The following KLRF1 variants were observed in gnomAD, a reference collection of about 807,000 sequenced individuals.
KLRF1 encodes the protein killer cell lectin-like receptor subfamily F member 1.
KLRF1 carries 27 observed loss-of-function variants against 30.7 expected under a neutral mutation model. That is an observed-to-expected ratio of 0.88 (90% CI 0.65 to 1.21). The LOEUF (loss-of-function observed/expected upper bound fraction) is 1.21, where lower values mean the gene tolerates loss of function less well. KLRF1 is among the 50% of genes most tolerant of loss of function. The pLI is 0.00. For missense variants in KLRF1, 246 were observed against 259.3 expected, an observed-to-expected ratio of 0.95 and a Z score of 0.35; for synonymous variants, 92 against 89.3, an observed-to-expected ratio of 1.03 and a Z score of -0.17.
chr12:9,827,422 T>A (rs1565502802), upstream of KLRF1: 11 of 538,174 alleles, frequency 2.0e-5, no homozygotes, highest in Non-Finnish European at 3.6e-5. Context: ...TCATATGTAC[T>A]GTGAAAGGAC....
At chr12:9,813,912 C>G in the KLRF1 span, among the ~76,000 whole-genome samples, 1 of 152,182 alleles carries the variant, frequency 6.6e-6, no homozygotes, top group South Asian at 2.1e-4. Flanking sequence ...TGTTCCAGGA[C>G]GGAGCTCAGG....
chr12:9,842,267 T>C (rs2121240627), intron 4 of KLRF1, 54 bp from the exon 5 acceptor site: 2 of 1,589,094 alleles, frequency 1.3e-6, no homozygotes, highest in South Asian at 1.1e-5. Flanking sequence ...AAATATTCAG[T>C]GTGTCTGAAT....
intron 5 of KLRF1, among the ~76,000 whole-genome samples, chr12:9,843,795 A>G (rs1867754423): frequency 6.6e-6 from 1 of 152,162 alleles, no homozygotes; most frequent in African/African-American, 2.4e-5. Flanking sequence ...ATCAATTTGG[A>G]AGCTTTGAAG....
chr12:9,810,303 G>C, the KLRF1 span, among the ~76,000 whole-genome samples: 27 of 152,264 alleles, frequency 1.8e-4, no homozygotes, highest in South Asian at 6.2e-4. Flanking sequence ...GAGCCTGAAC[G>C]GAAGTTAAGC....
intron 3 of KLRF1, among the ~76,000 whole-genome samples, chr12:9,841,090 C>T (rs1186471970): frequency 2.0e-5 from 3 of 152,042 alleles, no homozygotes; most frequent in African/African-American, 7.2e-5. Flanking sequence ...AAATGTGGTA[C>T]ATATACCATA....
At chr12:9,800,885 G>A in the KLRF1 span, among the ~76,000 whole-genome samples, 1 of 151,844 alleles carries the variant, frequency 6.6e-6, no homozygotes, top group Non-Finnish European at 1.5e-5. Flanking sequence ...GAACATGTAG[G>A]TTTGTTACAT....
chr12:9,810,325 G>A, the KLRF1 span, among the ~76,000 whole-genome samples: 9 of 152,126 alleles, frequency 5.9e-5, no homozygotes, highest in South Asian at 2.1e-4. Context: ...CCCAGAAATC[G>A]CAGGTAGCTG....
the KLRF1 span, among the ~76,000 whole-genome samples, chr12:9,811,227 T>G: frequency 4.1e-4 from 59 of 144,074 alleles, no homozygotes; most frequent in Middle Eastern, 3.7e-3. Context: ...GTACAGTGAT[T>G]TGCAAGCAGG....
chr12:9,836,028 G>A (rs1867567930), intron 3 of KLRF1, among the ~76,000 whole-genome samples: 1 of 152,004 alleles, frequency 6.6e-6, no homozygotes, highest in Non-Finnish European at 1.5e-5. Flanking sequence ...ATGTAAGGTG[G>A]GGGCAGCTGT....
the KLRF1 span, among the ~76,000 whole-genome samples, chr12:9,820,776 G>A: frequency 2.6e-4 from 39 of 152,326 alleles, no homozygotes; most frequent in Admixed American, 5.2e-4. Flanking sequence ...CACCACTGCA[G>A]TTGCAGCGGT....
the KLRF1 span, among the ~76,000 whole-genome samples, chr12:9,809,298 A>G: frequency 3.2e-4 from 49 of 152,294 alleles, no homozygotes; most frequent in Admixed American, 3.3e-4. Context: ...ATATCTAAAA[A>G]GAAAGGGTGG....
chr12:9,829,634 C>T (rs1341026939), intron 1 of KLRF1, among the ~76,000 whole-genome samples: 1 of 152,146 alleles, frequency 6.6e-6, no homozygotes, highest in East Asian at 1.9e-4. Flanking sequence ...GTGGCACATG[C>T]CTGTAGTCCT....
the KLRF1 span, among the ~76,000 whole-genome samples, chr12:9,821,546 A>C: frequency 6.6e-6 from 1 of 152,170 alleles, no homozygotes; most frequent in Non-Finnish European, 1.5e-5. Context: ...GGCAGACTGC[A>C]CTGAGCAATT....
At chr12:9,809,530 G>A in the KLRF1 span, among the ~76,000 whole-genome samples, 1 of 152,228 alleles carries the variant, frequency 6.6e-6, no homozygotes, top group South Asian at 2.1e-4. Flanking sequence ...ATCAGGAAAA[G>A]GGCTGCTGGG....
the KLRF1 span, among the ~76,000 whole-genome samples, chr12:9,815,445 C>T: frequency 3.9e-5 from 6 of 152,334 alleles, no homozygotes; most frequent in East Asian, 3.9e-4. Flanking sequence ...CTATCTGAGC[C>T]GCAGATGGAC....
intron 3 of KLRF1, among the ~76,000 whole-genome samples, chr12:9,837,715 G>C (rs16907767): frequency 0.12 from 18,469 of 152,126 alleles, 1,515 homozygotes; most frequent in African/African-American, 0.23. Flanking sequence ...TACAAACATC[G>C]TTTGGTAGCC....
chr12:9,839,799 T>G (rs973370728), intron 3 of KLRF1, among the ~76,000 whole-genome samples: 8 of 152,090 alleles, frequency 5.3e-5, no homozygotes, highest in African/African-American at 1.9e-4. Flanking sequence ...GGAAAACAGT[T>G]TGACAGTTCC....
the KLRF1 span, among the ~76,000 whole-genome samples, chr12:9,815,142 AAG>A: frequency 6.6e-6 from 1 of 152,246 alleles, no homozygotes; most frequent in Admixed American, 6.5e-5. Flanking sequence ...GAATATAAAA[AAG>A]AAATAAAATG....
chr12:9,834,798 A>G (rs781428399), intron 3 of KLRF1, among the ~76,000 whole-genome samples: 8 of 152,112 alleles, frequency 5.3e-5, no homozygotes, highest in Non-Finnish European at 1.0e-4. Context: ...TTATGTTGTC[A>G]TACACCAGGC....
Sources: gnomAD v4.1 joint callset for allele counts (sites outside exome capture counted in the v4.1 genomes callset) on GRCh38, gnomAD v4.1.1 for gene constraint, MANE v1.5 for transcripts, NCBI Gene and HGNC (gene_info 2026-07-23, HGNC 2026-07-21) for gene names.